The following FBXL2 variants were observed in gnomAD, a reference collection of about 807,000 sequenced individuals.
FBXL2 encodes F-box and leucine rich repeat protein 2.
FBXL2 carries 38 observed loss-of-function variants against 69.2 expected under a neutral mutation model. The ratio of observed to expected loss-of-function variants is 0.55; its 90% CI spans 0.42 to 0.72. FBXL2 has a LOEUF of 0.72. FBXL2 is among the 30% of genes least tolerant of loss of function. FBXL2 has a pLI of 0.00. For missense variants in FBXL2, 354 were observed against 520.3 expected (o/e 0.68, Z 3.11); for synonymous variants, 192 against 201.3 (o/e 0.95, Z 0.39).
At chr3:33,313,385 G>A (rs1212767263) in intron 2 of FBXL2, among the ~76,000 whole-genome samples, 1 of 151,940 alleles carries the variant, frequency 6.6e-6, no homozygotes, top group Admixed American at 6.6e-5. Context: ...TTTCAATGGT[G>A]AATTCTGTCA....
At chr3:33,303,620 A>G (rs2036473693) in intron 2 of FBXL2, among the ~76,000 whole-genome samples, 1 of 152,126 alleles carries the variant, frequency 6.6e-6, no homozygotes, top group Non-Finnish European at 1.5e-5. Context: ...AAAACTGTGA[A>G]TTCAGTAACA....
At chr3:33,317,271 C>T (rs188921039) in intron 2 of FBXL2, among the ~76,000 whole-genome samples, 2 of 152,274 alleles carry the variant, frequency 1.3e-5, no homozygotes, top group East Asian at 1.9e-4. Flanking sequence ...CCCCGCCTCT[C>T]GCACCGTGTT....
At chr3:33,408,790 A>G in the FBXL2 span, 1 of 1,613,658 alleles carries the variant, frequency 6.2e-7, no homozygotes, top group Non-Finnish European at 8.5e-7. Context: ...TATAGGCTCA[A>G]GCCTCATCTG....
At chr3:33,324,161 C>A (rs1018833374) in intron 2 of FBXL2, among the ~76,000 whole-genome samples, 12 of 147,948 alleles carry the variant, frequency 8.1e-5, no homozygotes, top group African/African-American at 2.5e-4. Flanking sequence ...TTTTTTTTTT[C>A]TTGTAAATTT....
intron 1 of FBXL2, among the ~76,000 whole-genome samples, 167 bp downstream of exon 1, chr3:33,277,682 G>A (rs2033441120): frequency 6.6e-6 from 1 of 152,172 alleles, no homozygotes; most frequent in Admixed American, 6.5e-5. Flanking sequence ...GGCCCGGGGA[G>A]GGGTAACCTG....
chr3:33,395,582 T>G (rs1163644966), intron 12 of FBXL2, among the ~76,000 whole-genome samples: 7 of 151,776 alleles, frequency 4.6e-5, no homozygotes, highest in Admixed American at 3.3e-4. Context: ...CTGGGTAGTA[T>G]TATTTACAGT....
intron 12 of FBXL2, among the ~76,000 whole-genome samples, chr3:33,395,363 T>C (rs1320913971): frequency 6.6e-6 from 1 of 152,154 alleles, no homozygotes; most frequent in Non-Finnish European, 1.5e-5. Context: ...CATGTTGCCT[T>C]TGTTCTACTT....
At chr3:33,309,161 G>T (rs2036969285) in intron 2 of FBXL2, among the ~76,000 whole-genome samples, 1 of 152,148 alleles carries the variant, frequency 6.6e-6, no homozygotes, top group Admixed American at 6.5e-5. Flanking sequence ...TGCCATTGCT[G>T]AAAGTGGGAT....
the FBXL2 span, among the ~76,000 whole-genome samples, chr3:33,409,836 T>C: frequency 6.6e-6 from 1 of 152,184 alleles, no homozygotes; most frequent in African/African-American, 2.4e-5. Flanking sequence ...TCACAGTGCC[T>C]CTCCTCTAAT....
At chr3:33,358,284 A>G (rs2041357043) in intron 2 of FBXL2, among the ~76,000 whole-genome samples, 1 of 152,186 alleles carries the variant, frequency 6.6e-6, no homozygotes, top group Admixed American at 6.5e-5. Flanking sequence ...CTGTTTGCTC[A>G]CATACTATGA....
chr3:33,290,386 G>C (rs1342674017), intron 1 of FBXL2, among the ~76,000 whole-genome samples: 1 of 152,158 alleles, frequency 6.6e-6, no homozygotes, highest in Non-Finnish European at 1.5e-5. Context: ...TATCTGGCAT[G>C]AAATAAATTA....
downstream of FBXL2, among the ~76,000 whole-genome samples, chr3:33,407,586 G>A (rs1463327237): frequency 6.7e-6 from 1 of 150,236 alleles, no homozygotes; most frequent in Non-Finnish European, 1.5e-5. Context: ...AAAATGTAAC[G>A]TGTGCTTCCA....
In FBXL2 at chr3:33,325,650, T is replaced by C. The variant is rs143562631; in HGVS notation, c.65+27925T>C. Among the ~76,000 whole-genome samples, 3 of 152,342 alleles carry C rather than the reference T, an allele frequency of 2.0e-5. No individual in the cohort carries two copies. The East Asian group carries it at 5.8e-4, about 29-fold the overall frequency. Reference sequence around the variant, plus strand: ...TAGCATTATAGATAAAGTGGATTAATCATTGTTTAAGCCTCTTGGATTTCC... The same window carrying C: ...TAGCATTATAGATAAAGTGGATTAACCATTGTTTAAGCCTCTTGGATTTCC... On this transcript the variant is annotated intron_variant, in intron 2 of 14. Coordinates refer to ENST00000484457, the MANE Select transcript of FBXL2 (RefSeq NM_012157.5).
At chr3:33,361,032 T>C (rs926469114) in intron 4 of FBXL2, among the ~76,000 whole-genome samples, 3 of 145,332 alleles carry the variant, frequency 2.1e-5, no homozygotes, top group Admixed American at 7.1e-5. Flanking sequence ...CCTGGGTTCA[T>C]GCGATTCTCC....
chr3:33,311,719 G>A (rs1173589981), intron 2 of FBXL2, among the ~76,000 whole-genome samples: 2 of 152,092 alleles, frequency 1.3e-5, no homozygotes, highest in Admixed American at 1.3e-4. Flanking sequence ...CCGCCTCCCA[G>A]GTTCAAGCAA....
chr3:33,397,269 A>G (rs1162391483), intron 12 of FBXL2: 1 of 583,580 alleles, frequency 1.7e-6, no homozygotes, highest in Non-Finnish European at 2.8e-6. Context: ...CACATGAACA[A>G]TATAAGAAGA....
At chr3:33,418,853 C>CT in the FBXL2 span, among the ~76,000 whole-genome samples, 2 of 120,392 alleles carry the variant, frequency 1.7e-5, no homozygotes, top group African/African-American at 6.9e-5. Flanking sequence ...GAACGAAACT[C>CT]TGTCTCCAAA....
At chr3:33,347,169 T>G (rs2040506678) in intron 2 of FBXL2, among the ~76,000 whole-genome samples, 1 of 152,130 alleles carries the variant, frequency 6.6e-6, no homozygotes, top group Non-Finnish European at 1.5e-5. Context: ...TCTACCCCCA[T>G]GAGTTCAATT....
intron 14 of FBXL2, among the ~76,000 whole-genome samples, chr3:33,385,225 C>G (rs2043344147): frequency 6.6e-6 from 1 of 152,136 alleles, no homozygotes; most frequent in South Asian, 2.1e-4. Context: ...CAGGGTGCTA[C>G]AGCTGTAGAG....
Sources: allele counts gnomAD v4.1 joint callset (sites outside exome capture counted in the v4.1 genomes callset), GRCh38; gene constraint gnomAD v4.1.1; transcripts MANE v1.5; gene names NCBI Gene and HGNC (gene_info 2026-07-23, HGNC 2026-07-21).